The following ADAMTS17 variants were observed in gnomAD, a reference collection of about 807,000 sequenced individuals.
ADAMTS17 encodes the protein A disintegrin and metalloproteinase with thrombospondin motifs 17.
In ADAMTS17, 113 loss-of-function variants were observed where a neutral mutation model predicts 141.5. The observed-to-expected ratio is 0.80, with a 90% confidence interval of 0.69 to 0.93. The LOEUF (loss-of-function observed/expected upper bound fraction) is 0.93. ADAMTS17 is among the 40% of genes least tolerant of loss of function. ADAMTS17 has a pLI of 0.00. For synonymous variants in ADAMTS17, 768 were observed against 630.6 expected (o/e 1.22, Z -3.27); for missense variants, 1,659 against 1,517.9 (o/e 1.09, Z -1.54).
intron 14 of ADAMTS17, among the ~76,000 whole-genome samples, chr15:100,105,625 G>A (rs953735914): frequency 6.6e-6 from 1 of 152,164 alleles, no homozygotes; most frequent in African/African-American, 2.4e-5. Flanking sequence ...AGGTCAAGAG[G>A]GGGTAGAGCT....
At chr15:100,219,960 C>A (rs140082348) in intron 7 of ADAMTS17, among the ~76,000 whole-genome samples, 31 of 152,258 alleles carry the variant, frequency 2.0e-4, no homozygotes, top group Middle Eastern at 3.4e-3. Context: ...TGTTACCCCA[C>A]AACAATTTTA....
At chr15:100,125,574 A>G (rs1224298394) in intron 12 of ADAMTS17, among the ~76,000 whole-genome samples, 1 of 152,072 alleles carries the variant, frequency 6.6e-6, no homozygotes, top group Non-Finnish European at 1.5e-5. Context: ...CTTTTCATAC[A>G]AGTGCATCTG....
At chr15:100,022,041 C>A (rs1265039864) in intron 18 of ADAMTS17, among the ~76,000 whole-genome samples, 2 of 152,142 alleles carry the variant, frequency 1.3e-5, no homozygotes, top group African/African-American at 2.4e-5. Context: ...AGTCAAGAGG[C>A]TCAGATCTAG....
At chr15:100,038,299 A>G (rs1050601308) in intron 18 of ADAMTS17, among the ~76,000 whole-genome samples, 16 of 152,232 alleles carry the variant, frequency 1.1e-4, no homozygotes, top group East Asian at 1.9e-4. Context: ...ATTGGGAAGC[A>G]TGAGGACTCC....
chr15:100,123,486 T>C (rs901986373), intron 12 of ADAMTS17, among the ~76,000 whole-genome samples: 1 of 152,154 alleles, frequency 6.6e-6, no homozygotes, highest in African/African-American at 2.4e-5. Flanking sequence ...CGAGGTCCCA[T>C]GAGGCCTCCA....
At chr15:100,146,041 C>G (rs570218265) in intron 10 of ADAMTS17, among the ~76,000 whole-genome samples, 2 of 152,132 alleles carry the variant, frequency 1.3e-5, no homozygotes, top group Non-Finnish European at 2.9e-5. Flanking sequence ...GGTGTGGTGG[C>G]GCATGCCTGT....
At chr15:100,296,389 T>C (rs923165970) in intron 3 of ADAMTS17, among the ~76,000 whole-genome samples, 31 of 152,128 alleles carry the variant, frequency 2.0e-4, no homozygotes, top group African/African-American at 7.5e-4. Flanking sequence ...AAATCCAACA[T>C]CCTTGAAGCA....
chr15:100,269,928 G>C (rs1370130681), intron 4 of ADAMTS17, among the ~76,000 whole-genome samples: 1 of 152,206 alleles, frequency 6.6e-6, no homozygotes, highest in Non-Finnish European at 1.5e-5. Context: ...AGCCCCTGTT[G>C]CTTGTAATCA....
At position 100,172,955 on chromosome 15, in the gene ADAMTS17, C is replaced by G. The variant is rs118048021; in HGVS notation, c.1182-17635G>C. On this transcript the variant is annotated intron_variant, in intron 8 of 21. Transcript: ENST00000268070. Reference sequence around the variant, plus strand: ...CCAACATCTATCAAAGTTTGAGAGCCATTGCTGCAGTGTAGAAGAGTGCTT... The same window carrying G: ...CCAACATCTATCAAAGTTTGAGAGCGATTGCTGCAGTGTAGAAGAGTGCTT... 5.0e-4 allele frequency among the ~76,000 whole-genome samples: 76 copies of G among 152,296 alleles called. No homozygotes were observed. The East Asian group carries it at 0.014, about 29-fold the overall frequency.
At chr15:100,136,183 C>T (rs987279318) in intron 10 of ADAMTS17, among the ~76,000 whole-genome samples, 7 of 152,184 alleles carry the variant, frequency 4.6e-5, no homozygotes, top group Non-Finnish European at 8.8e-5. Context: ...AAATGCCCAT[C>T]AAGAGCAGAA....
chr15:100,152,199 CTCT>C (rs2039199101), intron 10 of ADAMTS17, among the ~76,000 whole-genome samples: 1 of 152,106 alleles, frequency 6.6e-6, no homozygotes, highest in South Asian at 2.1e-4. Context: ...AGTTTTAACC[CTCT>C]TGTTGATCCA....
rs565285127 is a variant in ADAMTS17 at position 100,114,669 on chromosome 15, G to T, written c.1888+2178C>A. Among the ~76,000 whole-genome samples the T allele has an allele frequency of 1.9e-4, 29 of 152,304 alleles. No individual in the cohort carries two copies. The South Asian group carries it at 6.0e-3, about 32-fold the overall frequency. ...TGCTCTTTTCAGATCAAAGGCGGTG[G>T]CACTCTAGTGACAATAACTTAGGAC... is the stretch of plus-strand genomic sequence containing the variant. On this transcript the variant is annotated intron_variant, in intron 13 of 21. Transcript: ENST00000268070.
At chr15:100,231,717 G>A (rs955182221) in intron 7 of ADAMTS17, among the ~76,000 whole-genome samples, 5 of 152,100 alleles carry the variant, frequency 3.3e-5, no homozygotes, top group Admixed American at 1.3e-4. Context: ...GTCAGGTGCC[G>A]GTTTTTCTTG....
chr15:100,111,934 A>G (rs907179499), intron 13 of ADAMTS17, among the ~76,000 whole-genome samples: 12 of 152,286 alleles, frequency 7.9e-5, no homozygotes, highest in Non-Finnish European at 1.5e-4. Flanking sequence ...CATCATCGCA[A>G]TTTCCTCTCT....
chr15:100,121,638 T>TA (rs1208604875), intron 12 of ADAMTS17, among the ~76,000 whole-genome samples: 1 of 152,006 alleles, frequency 6.6e-6, no homozygotes, highest in Non-Finnish European at 1.5e-5. Context: ...CATTCCCAGA[T>TA]AAACAAAAAA....
chr15:100,032,692 A>G (rs565362631), intron 18 of ADAMTS17, among the ~76,000 whole-genome samples: 1 of 152,366 alleles, frequency 6.6e-6, no homozygotes, highest in East Asian at 1.9e-4. Context: ...TGTTTTTAAA[A>G]TGAGAACGAG....
At chr15:100,170,349 C>G (rs1015523951) in intron 8 of ADAMTS17, among the ~76,000 whole-genome samples, 1 of 152,172 alleles carries the variant, frequency 6.6e-6, no homozygotes, top group South Asian at 2.1e-4. Flanking sequence ...CTCATCTGAA[C>G]CTATGTGGAA....
chr15:100,146,759 T>C (rs1236452976), intron 10 of ADAMTS17, among the ~76,000 whole-genome samples: 16 of 152,278 alleles, frequency 1.1e-4, no homozygotes, highest in Admixed American at 1.0e-3. Context: ...GGAAAGAGAA[T>C]ACGTGCCTGG....
At chr15:100,094,650 A>G (rs1262705079) in intron 15 of ADAMTS17, among the ~76,000 whole-genome samples, 1 of 152,184 alleles carries the variant, frequency 6.6e-6, no homozygotes, top group Non-Finnish European at 1.5e-5. Flanking sequence ...AGAATCACGC[A>G]CTTGTAGTCA....
Sources: gnomAD v4.1 joint callset for allele counts (sites outside exome capture counted in the v4.1 genomes callset) on GRCh38, gnomAD v4.1.1 for gene constraint, MANE v1.5 for transcripts, NCBI Gene and HGNC (gene_info 2026-07-23, HGNC 2026-07-21) for gene names.